Variants in SPINK5 observed in about 807,000 individuals in gnomAD.
The protein encoded by SPINK5 is serine protease inhibitor Kazal-type 5.
Under a neutral mutation model 151.8 loss-of-function variants are expected in SPINK5, and 125 were observed. That is an observed-to-expected ratio of 0.82 (90% CI 0.71 to 0.96). The LOEUF (loss-of-function observed/expected upper bound fraction) is 0.96. Ranked by LOEUF, SPINK5 falls within the 40% of genes least tolerant of loss-of-function variation. The pLI is 0.00. For synonymous variants in SPINK5, 374 were observed against 395.3 expected, an observed-to-expected ratio of 0.95 and a Z score of 0.64; for missense variants, 1,194 against 1,291.9, an observed-to-expected ratio of 0.92 and a Z score of 1.16.
rs376137851 is a variant in SPINK5, at chr5:148,108,527, TAA to T, written c.1608-224_1608-223del. 2.3e-3 allele frequency among the ~76,000 whole-genome samples: 356 copies of T among 152,254 alleles called. 1 individual carries two copies. Among genetic ancestry groups the T allele is most frequent in the African/African-American group, 8.1e-3 (338 of 41,570 alleles). On this transcript the variant is annotated intron_variant, in intron 17 of 32. Coordinates refer to ENST00000256084, the MANE Select transcript of SPINK5 (RefSeq NM_006846.4). ...AGATCACCTGAGGGCCACAGACTGA[TAA>T]AGATGCATGCTTGTTTTGTAATTAT...
chr5:148,096,481 T>C (rs1230733431), intron 10 of SPINK5, among the ~76,000 whole-genome samples: 2 of 152,030 alleles, frequency 1.3e-5, no homozygotes, highest in African/African-American at 4.8e-5. Context: ...CATGTTGTTT[T>C]CATATGTCAT....
At chr5:148,123,521 G>A (rs4705225) in intron 26 of SPINK5, among the ~76,000 whole-genome samples, 7,002 of 24,050 alleles carry the variant, frequency 0.29, 524 homozygotes, top group East Asian at 0.45. Flanking sequence ...CAATATATGT[G>A]TATATATATA....
intron 4 of SPINK5, among the ~76,000 whole-genome samples, chr5:148,084,327 CCCCTCTTTTCCACTCCAGCTTG>C (rs1272445325): frequency 6.6e-6 from 1 of 151,784 alleles, no homozygotes; most frequent in Non-Finnish European, 1.5e-5. Flanking sequence ...GGTTCTGAAT[CCCCTCTTTTCCACTCCAGCTTG>C]CTGCCACTTC....
rs1169036411 is a variant in SPINK5, at chr5:148,094,416, T to G, written c.729T>G (p.Ser243Arg). 2 of 1,612,724 alleles carry G rather than the reference T, an allele frequency of 1.2e-6. No individual in the cohort carries two copies. Among genetic ancestry groups the G allele is most frequent in the Admixed American group, 3.3e-5 (2 of 59,896 alleles). The part of the protein sequence containing the change: ...RNGRLFCTRE[S>R]DPVRGPDGRM... ...GAAGGCTTTTTTGTACACGGGAGAG[T>G]GATCCAGTCCGTGGCCCTGACGGCA... Residue 243 changes from serine to arginine, a missense_variant, in exon 9 of 33, where the codon AGT (serine) becomes AGG (arginine). Transcript: ENST00000256084.
intron 21 of SPINK5, among the ~76,000 whole-genome samples, chr5:148,116,134 C>T (rs556881529): frequency 6.6e-6 from 1 of 152,178 alleles, no homozygotes; most frequent in South Asian, 2.1e-4. Flanking sequence ...CTCACCTTGT[C>T]TTGTTTATGG....
chr5:148,073,824 AC>A (rs1484389724), intron 4 of SPINK5, among the ~76,000 whole-genome samples: 42 of 130,938 alleles, frequency 3.2e-4, no homozygotes, highest in African/African-American at 1.4e-3. Flanking sequence ...TCACACACAC[AC>A]ACACACACAC....
chr5:148,116,590 T>C (rs1561698982), intron 22 of SPINK5, 124 bp downstream of exon 22: 3 of 958,564 alleles, frequency 3.1e-6, no homozygotes, highest in Admixed American at 1.9e-5. Context: ...GAGAAGTTTC[T>C]CCTTAAGGTT....
At chr5:148,064,217 A>G (rs1257676354) in intron 1 of SPINK5, 118 bp downstream of exon 1, 1 of 1,033,890 alleles carries the variant, frequency 9.7e-7, no homozygotes, top group Non-Finnish European at 1.5e-6. Flanking sequence ...TAATCCTGAA[A>G]TGTCTTGCCA....
intron 4 of SPINK5, among the ~76,000 whole-genome samples, chr5:148,076,032 A>G (rs928025124): frequency 6.6e-6 from 1 of 150,930 alleles, no homozygotes; most frequent in Non-Finnish European, 1.5e-5. Flanking sequence ...AAGAGGGTCA[A>G]GAGATTCGCA....
intron 21 of SPINK5, among the ~76,000 whole-genome samples, chr5:148,115,206 CAGAA>C (rs1437234934): frequency 6.6e-6 from 1 of 152,004 alleles, no homozygotes; most frequent in Admixed American, 6.6e-5. Flanking sequence ...GTGGACATGA[CAGAA>C]AGTAATGAGA....
rs941337873 is a variant in SPINK5, at chr5:148,123,923, A to C, written c.2629A>C (p.Met877Leu). ...CCCTGTTCGAGGCCCATATGGCAAG[A>C]TGCACATCAATAAATGTGCTATGTG... is the stretch of plus-strand genomic sequence containing the variant. The part of the protein sequence containing the change: ...NNPVRGPYGK[M>L]HINKCAMCQS... The change falls in exon 27 of 33, where the codon ATG becomes CTG. Residue 877 changes from methionine (M) to leucine (L), a missense_variant. Physicochemically the swap from Met to Leu is conservative, Grantham distance 15. Coordinates refer to ENST00000256084, the MANE Select transcript of SPINK5 (RefSeq NM_006846.4). 5.3e-5 allele frequency: 85 copies of C among 1,614,074 alleles called. No homozygotes were observed. The highest frequency in any genetic ancestry group is 7.1e-5 in the Non-Finnish European group (84 of 1,179,988).
intron 1 of SPINK5, 151 bp from the exon 2 acceptor site, chr5:148,065,196 C>T (rs949599738): frequency 5.5e-6 from 4 of 730,332 alleles, no homozygotes; most frequent in African/African-American, 5.3e-5. Flanking sequence ...TTTTATTTGC[C>T]ATGATAAATC....
intron 26 of SPINK5, among the ~76,000 whole-genome samples, chr5:148,123,017 G>T (rs1357168863): frequency 6.6e-6 from 1 of 151,870 alleles, no homozygotes; most frequent in African/African-American, 2.4e-5. Context: ...CTCATAGGGA[G>T]ACAGGTTTGG....
chr5:148,084,504 C>T (rs1287964870), intron 4 of SPINK5, among the ~76,000 whole-genome samples: 1 of 151,838 alleles, frequency 6.6e-6, no homozygotes, highest in Non-Finnish European at 1.5e-5. Context: ...CATCATCCCC[C>T]AGCTGGCCTT....
intron 4 of SPINK5, among the ~76,000 whole-genome samples, chr5:148,073,255 C>T (rs777290676): frequency 3.3e-5 from 5 of 151,852 alleles, no homozygotes; most frequent in Non-Finnish European, 5.9e-5. Flanking sequence ...TTACTTATAA[C>T]ATCCATGGTC....
intron 24 of SPINK5, 60 bp downstream of exon 24, chr5:148,119,118 C>G (rs1754184115): frequency 1.1e-5 from 17 of 1,498,084 alleles, no homozygotes; most frequent in Non-Finnish European, 1.4e-5. Flanking sequence ...AGTTGGCGAT[C>G]AAAACTATAG....
At chr5:148,107,911 A>G (rs189315622) in intron 17 of SPINK5, among the ~76,000 whole-genome samples, 55 of 152,300 alleles carry the variant, frequency 3.6e-4, no homozygotes, top group African/African-American at 1.3e-3. Context: ...AAATGCCGAG[A>G]AAAACGCTTA....
intron 3 of SPINK5, among the ~76,000 whole-genome samples, chr5:148,071,000 G>C (rs12108690): frequency 0.75 from 113,518 of 152,000 alleles, 43,677 homozygotes; most frequent in African/African-American, 0.92. Flanking sequence ...ACTCCTTGCA[G>C]CTCAGAAAGA....
chr5:148,086,286 A>G, intron 4 of SPINK5, 119 bp from the exon 5 acceptor site: 4 of 1,240,618 alleles, frequency 3.2e-6, no homozygotes, highest in Non-Finnish European at 3.4e-6. Flanking sequence ...AGCCTTCATG[A>G]TATGTTTTTC....
Sources: gnomAD v4.1 joint callset for allele counts (sites outside exome capture counted in the v4.1 genomes callset) on GRCh38, gnomAD v4.1.1 for gene constraint, MANE v1.5 for transcripts, NCBI Gene and HGNC (gene_info 2026-07-23, HGNC 2026-07-21) for gene names.